Variants in CCDC69 observed in about 807,000 individuals in gnomAD.
The protein encoded by CCDC69 is coiled-coil domain containing 69.
CCDC69 carries 38 observed loss-of-function variants against 40.3 expected under a neutral mutation model. The observed-to-expected ratio is 0.94, with a 90% CI of 0.73 to 1.24. The LOEUF is 1.24. CCDC69 is among the 50% of genes most tolerant of loss of function. CCDC69 has a pLI of 0.00. For missense variants in CCDC69, 389 were observed against 357.9 expected (o/e 1.09, Z -0.70); for synonymous variants, 141 against 138.9 (o/e 1.02, Z -0.11).
chr5:151,206,806 A>C (rs1230687592), intron 1 of CCDC69, among the ~76,000 whole-genome samples: 1 of 151,202 alleles, frequency 6.6e-6, no homozygotes, highest in Non-Finnish European at 1.5e-5. Context: ...AATTTCTTGT[A>C]TTTTTAGTAG....
At chr5:151,197,559 AAAAC>A (rs1752717331) in intron 4 of CCDC69, among the ~76,000 whole-genome samples, 1 of 152,008 alleles carries the variant, frequency 6.6e-6, no homozygotes, top group African/African-American at 2.4e-5. Context: ...AAACAAAAAC[AAAAC>A]AAACAAAAAA....
At chr5:151,191,306 A>G (rs248435) in intron 4 of CCDC69, among the ~76,000 whole-genome samples, 95,027 of 152,114 alleles carry the variant, frequency 0.62, 30,298 homozygotes, top group Admixed American at 0.75. Context: ...ACTCCTCAGC[A>G]TTCCACATAA....
chr5:151,216,209 T>A (rs987312530), intron 1 of CCDC69, among the ~76,000 whole-genome samples: 3 of 152,156 alleles, frequency 2.0e-5, no homozygotes, highest in African/African-American at 4.8e-5. Context: ...TCTGCCCGCC[T>A]TAGCCTCCCA....
At chr5:151,183,757 G>C in intron 8 of CCDC69, 143 bp from the exon 9 acceptor site, 1 of 702,386 alleles carries the variant, frequency 1.4e-6, no homozygotes, top group Admixed American at 2.9e-5. Context: ...CTGTATACAA[G>C]AGGCAATTCA....
At chr5:151,186,198 A>G in intron 5 of CCDC69, 74 bp from the exon 6 acceptor site, 1 of 1,018,494 alleles carries the variant, frequency 9.8e-7, no homozygotes, top group East Asian at 2.4e-5. Flanking sequence ...GCCACATCCC[A>G]GAGGGAGAAC....
At chr5:151,205,079 G>A (rs1375225033) in intron 2 of CCDC69, among the ~76,000 whole-genome samples, 1 of 126,514 alleles carries the variant, frequency 7.9e-6, no homozygotes. Flanking sequence ...TCCTTTAACT[G>A]TTCCTTATAG....
chr5:151,208,430 A>G (rs980533040), intron 1 of CCDC69, among the ~76,000 whole-genome samples: 2 of 152,214 alleles, frequency 1.3e-5, no homozygotes, highest in Non-Finnish European at 2.9e-5. Flanking sequence ...CTTCTCCCCC[A>G]TGGTGCTGGG....
Position 151,205,435 on chromosome 5 carries a change from T to A in CCDC69, c.89A>T (p.Glu30Val). The A allele has an allele frequency of 6.2e-7, 1 of 1,614,142 alleles. No homozygotes were observed. The highest frequency in any genetic ancestry group is 1.3e-5 in the African/African-American group (1 of 75,036). The change falls in exon 2 of 9, where the codon GAG becomes GTG. Residue 30 changes from glutamate (E) to valine (V), a missense_variant. Glu to Val is a moderately radical substitution (Grantham distance 121). Transcript: ENST00000355417. ...ATTGAGGGGACCTAATTCATGGGGC[T>A]CTGGTCTGGGTGGCTGTTCTGGTTC... The part of the protein sequence containing the change: ...EPEPEQPPRP[E>V]PHELGPLNGD...
chr5:151,188,062 G>A (rs1752552429), intron 4 of CCDC69, among the ~76,000 whole-genome samples: 1 of 152,150 alleles, frequency 6.6e-6, no homozygotes, highest in Admixed American at 6.5e-5. Context: ...ACATGAGAAG[G>A]ACGTGCAAGG....
chr5:151,218,826 G>T (rs1582053267), intron 1 of CCDC69, among the ~76,000 whole-genome samples: 1 of 152,300 alleles, frequency 6.6e-6, no homozygotes, highest in East Asian at 1.9e-4. Context: ...AACTCGTCAG[G>T]CTCTCAGGGG....
At chr5:151,218,827 C>T (rs544460973) in intron 1 of CCDC69, among the ~76,000 whole-genome samples, 3 of 152,192 alleles carry the variant, frequency 2.0e-5, no homozygotes, top group Non-Finnish European at 4.4e-5. Context: ...ACTCGTCAGG[C>T]TCTCAGGGGA....
At position 151,198,996 on chromosome 5, in the gene CCDC69, C is replaced by G. The variant is rs1158615426; in HGVS notation, c.319+1G>C. ...GGCCAGTGGAACATCTCTACCCTTA[C>G]CTTGCAGGGCCTCTTCATTCTTTCC... is the stretch of plus-strand genomic sequence containing the variant. On this transcript the variant is annotated splice_donor_variant, in intron 4 of 8. Coordinates refer to ENST00000355417, the MANE Select transcript of CCDC69 (RefSeq NM_015621.3). LOFTEE classifies it high-confidence loss of function. 1 of 1,613,460 alleles carries G rather than the reference C, an allele frequency of 6.2e-7. No individual in the cohort carries two copies. Among genetic ancestry groups the G allele is most frequent in the Non-Finnish European group, 8.5e-7 (1 of 1,179,380 alleles).
At chr5:151,221,336 T>C (rs1453948155) in intron 1 of CCDC69, among the ~76,000 whole-genome samples, 3 of 152,328 alleles carry the variant, frequency 2.0e-5, no homozygotes, top group Non-Finnish European at 4.4e-5. Context: ...CACGCTGTGC[T>C]TTCAGTGGCT....
At position 151,215,680 on chromosome 5, in the gene CCDC69, G is replaced by A. The variant is rs1288119962; in HGVS notation, c.48+8243C>T. The A allele has an allele frequency of 7.8e-6, 3 of 382,566 alleles. No homozygotes were observed. The Admixed American group carries it at 7.9e-5, about 10-fold the overall frequency. The allele number at this position is 382,566 out of a possible 1,614,324, so 23.7% of individuals were successfully genotyped here. On this transcript the variant is annotated intron_variant, in intron 1 of 8. Coordinates refer to ENST00000355417, the MANE Select transcript of CCDC69 (RefSeq NM_015621.3). ...AAGGGTGGTTGTAAAAGAGAGGGCG[G>A]GATTGCCTGAAAGCAGAGAATGACA...
intron 5 of CCDC69, 141 bp from the exon 6 acceptor site, chr5:151,186,265 A>C: frequency 7.5e-6 from 5 of 667,610 alleles, no homozygotes; most frequent in South Asian, 6.6e-5. Flanking sequence ...CAACATCAAC[A>C]TACTTCGACC....
chr5:151,184,788 C>T (rs1300436851), intron 7 of CCDC69: 3 of 183,822 alleles, frequency 1.6e-5, no homozygotes, highest in East Asian at 2.8e-4. Context: ...CAAAAATGAG[C>T]GAACAAAATC....
At position 151,201,692 on chromosome 5, in the gene CCDC69, G is replaced by T; in HGVS notation, c.125-4C>A. The T allele has an allele frequency of 6.3e-7, 1 of 1,586,338 alleles. No individual in the cohort carries two copies. Among genetic ancestry groups the T allele is most frequent in the South Asian group, 1.2e-5 (1 of 86,934 alleles). On this transcript the variant is annotated splice_region_variant and splice_polypyrimidine_tract_variant and intron_variant, in intron 2 of 8. Transcript: ENST00000355417. ...GCACAGAGCTGGACAGTTATAGCTA[G>T]AGATGAAAAAGCAAAAAAATAAAAA...
intron 4 of CCDC69, among the ~76,000 whole-genome samples, chr5:151,189,311 T>C (rs1752570346): frequency 6.6e-6 from 1 of 151,956 alleles, no homozygotes; most frequent in Non-Finnish European, 1.5e-5. Flanking sequence ...CAAAAGGAAA[T>C]TTTAGAACTA....
At chr5:151,207,322 C>T (rs192427472) in intron 1 of CCDC69, among the ~76,000 whole-genome samples, 95 of 151,462 alleles carry the variant, frequency 6.3e-4, no homozygotes, top group Middle Eastern at 3.4e-3. Context: ...GATGGAGTCT[C>T]GCTCTGTCAC....
Sources: gnomAD v4.1 joint callset for allele counts (sites outside exome capture counted in the v4.1 genomes callset) on GRCh38, gnomAD v4.1.1 for gene constraint, MANE v1.5 for transcripts, NCBI Gene and HGNC (gene_info 2026-07-23, HGNC 2026-07-21) for gene names.